Variants in TRAK2 observed in about 807,000 individuals in gnomAD.
The protein encoded by TRAK2 is trafficking kinesin protein 2, also known as trafficking kinesin-binding protein 2.
TRAK2 carries 81 observed loss-of-function variants against 104.6 expected under a neutral mutation model. The observed-to-expected ratio is 0.77, with a 90% CI of 0.65 to 0.93. The LOEUF (loss-of-function observed/expected upper bound fraction) is 0.93. TRAK2 is among the 40% of genes least tolerant of loss of function. The probability of loss-of-function intolerance (pLI) is 0.00; values close to 1 mark genes in which losing one functional copy is unlikely to be tolerated. For synonymous variants in TRAK2, 406 were observed against 394.4 expected, an observed-to-expected ratio of 1.03 and a Z score of -0.35; for missense variants, 1,002 against 1,089.0, an observed-to-expected ratio of 0.92 and a Z score of 1.12.
At chr2:201,412,862 C>A in intron 2 of TRAK2, 1 of 813,254 alleles carries the variant, frequency 1.2e-6, no homozygotes. Flanking sequence ...GTTTCTACAT[C>A]ATAAAGTTTA....
chr2:201,425,998 T>C (rs1480584187), intron 1 of TRAK2, among the ~76,000 whole-genome samples: 1 of 152,224 alleles, frequency 6.6e-6, no homozygotes, highest in South Asian at 2.1e-4. Context: ...TTTGTTTTTA[T>C]ATATATCACA....
intron 1 of TRAK2, among the ~76,000 whole-genome samples, chr2:201,422,049 CAAAAAAAAAAAA>C (rs71022367): frequency 1.1e-5 from 1 of 91,134 alleles, no homozygotes; most frequent in Non-Finnish European, 2.2e-5. Context: ...GACTCTGTCT[CAAAAAAAAAAAA>C]AAAAAAAAGG....
rs560695567 is a variant in TRAK2, at chr2:201,421,043, G to A, written c.-199-337C>T. Among the ~76,000 whole-genome samples the A allele has an allele frequency of 9.2e-5, 14 of 152,208 alleles. No individual in the cohort carries two copies. The East Asian group carries it at 1.2e-3, about 13-fold the overall frequency. On this transcript the variant is annotated intron_variant, in intron 1 of 15. Coordinates refer to ENST00000332624, the MANE Select transcript of TRAK2 (RefSeq NM_015049.3). ...ACTGTGGTGATGGTTTTACAAATGCGTATCAAAAGTGGTTAAATTGTACAC... is the reference window on the plus strand; with the variant it reads ...ACTGTGGTGATGGTTTTACAAATGCATATCAAAAGTGGTTAAATTGTACAC...
intron 6 of TRAK2, 119 bp downstream of exon 6, chr2:201,398,024 ACT>A: frequency 1.1e-5 from 10 of 926,834 alleles, no homozygotes. Flanking sequence ...CTTGTCCACG[ACT>A]CTCTAATTGG....
At position 201,389,496 on chromosome 2, in the gene TRAK2, G is replaced by A. The variant is rs760398244; in HGVS notation, c.1201C>T (p.Gln401Ter). ...CTGACGGTATCAAATACCCGCTTCT[G>A]TTGGGCTCTGTCAAAAAAGGAAGTG... ...ESSLFKQKAQQKRVFDTVRIA... is the reference protein window; with the variant it reads ...ESSLFKQKAQ Residue 401 changes from glutamine (Q) to a stop codon, truncating the protein, a stop_gained, in exon 12 of 16, where the codon CAG (glutamine) becomes TAG (stop). Transcript: ENST00000332624. LOFTEE classifies it high-confidence loss of function. The A allele has an allele frequency of 3.1e-6, 5 of 1,613,870 alleles. No homozygotes were observed. The highest frequency in any genetic ancestry group is 3.4e-6 in the Non-Finnish European group (4 of 1,179,990).
At chr2:201,418,165 G>A (rs1246926872) in intron 2 of TRAK2, among the ~76,000 whole-genome samples, 1 of 152,010 alleles carries the variant, frequency 6.6e-6, no homozygotes, top group Non-Finnish European at 1.5e-5. Context: ...TTCTTTTTTG[G>A]GAGAAAATGA....
chr2:201,428,786 T>C (rs992461814), intron 1 of TRAK2, among the ~76,000 whole-genome samples: 1 of 152,150 alleles, frequency 6.6e-6, no homozygotes, highest in Non-Finnish European at 1.5e-5. Context: ...GATGTTGATT[T>C]TTCCTATCCA....
chr2:201,385,411 A>C (rs1197812651), intron 14 of TRAK2, among the ~76,000 whole-genome samples: 2 of 151,858 alleles, frequency 1.3e-5, no homozygotes, highest in Non-Finnish European at 2.9e-5. Flanking sequence ...TCCTGACCTC[A>C]GGTGACTGCC....
At chr2:201,421,976 G>T (rs574202711) in intron 1 of TRAK2, among the ~76,000 whole-genome samples, 2 of 151,330 alleles carry the variant, frequency 1.3e-5, no homozygotes, top group Non-Finnish European at 2.9e-5. Flanking sequence ...TTGAGCCTGG[G>T]AGGCAGAGGT....
intron 1 of TRAK2, among the ~76,000 whole-genome samples, chr2:201,444,233 T>A (rs953624287): frequency 2.6e-5 from 4 of 151,484 alleles, no homozygotes; most frequent in East Asian, 3.9e-4. Flanking sequence ...AAATAAAAAA[T>A]AATAATAATA....
At chr2:201,433,615 C>T (rs987088431) in intron 1 of TRAK2, 2 of 152,246 alleles carry the variant, frequency 1.3e-5, no homozygotes, top group Non-Finnish European at 1.5e-5. Flanking sequence ...TGAATATCTG[C>T]CGAGGCAGGC....
At chr2:201,430,236 C>A (rs1036499077) in intron 1 of TRAK2, among the ~76,000 whole-genome samples, 48 of 152,212 alleles carry the variant, frequency 3.2e-4, no homozygotes, top group Admixed American at 1.6e-3. Flanking sequence ...TCAGTCAGCC[C>A]CTCCTGGGAG....
intron 2 of TRAK2, among the ~76,000 whole-genome samples, chr2:201,408,220 CAT>C (rs1452296020): frequency 3.9e-5 from 6 of 152,204 alleles, no homozygotes; most frequent in Non-Finnish European, 7.3e-5. Flanking sequence ...TCAGCTTCCA[CAT>C]GAGTGAGAAC....
chr2:201,387,016 A>G (rs1177723221), intron 13 of TRAK2, among the ~76,000 whole-genome samples: 1 of 152,248 alleles, frequency 6.6e-6, no homozygotes, highest in Non-Finnish European at 1.5e-5. Flanking sequence ...ATGTCACTGT[A>G]GTCATTTCAT....
At chr2:201,403,950 T>C (rs1284064137) in intron 3 of TRAK2, among the ~76,000 whole-genome samples, 1 of 152,162 alleles carries the variant, frequency 6.6e-6, no homozygotes, top group African/African-American at 2.4e-5. Flanking sequence ...CAGAAAGATG[T>C]CAGGCACAAA....
intron 13 of TRAK2, among the ~76,000 whole-genome samples, chr2:201,386,724 A>G (rs1951394755): frequency 6.6e-6 from 1 of 152,182 alleles, no homozygotes; most frequent in African/African-American, 2.4e-5. Flanking sequence ...GGTGAAAAAA[A>G]ACCCAAGGAG....
chr2:201,396,452 C>T (rs13001194), intron 7 of TRAK2, among the ~76,000 whole-genome samples: 86,665 of 151,922 alleles, frequency 0.57, 25,996 homozygotes, highest in South Asian at 0.69. Flanking sequence ...TCTTATCTGT[C>T]GGGAATACAT....
intron 10 of TRAK2, among the ~76,000 whole-genome samples, chr2:201,390,789 AAAC>A (rs1386418435): frequency 6.6e-6 from 1 of 151,850 alleles, no homozygotes; most frequent in African/African-American, 2.4e-5. Context: ...TTTCTGTAAT[AAAC>A]ATGCATAGCT....
chr2:201,420,180 C>CG (rs1479103662), intron 2 of TRAK2, among the ~76,000 whole-genome samples: 1 of 152,058 alleles, frequency 6.6e-6, no homozygotes, highest in Non-Finnish European at 1.5e-5. Flanking sequence ...TACTACTCAC[C>CG]GGGGGTTCAA....
Sources: allele counts gnomAD v4.1 joint callset (sites outside exome capture counted in the v4.1 genomes callset), GRCh38; gene constraint gnomAD v4.1.1; transcripts MANE v1.5; gene names NCBI Gene and HGNC (gene_info 2026-07-23, HGNC 2026-07-21).